The following CREBBP variants were observed in gnomAD, a reference collection of about 807,000 sequenced individuals.
CREBBP encodes CREB-binding protein.
CREBBP carries 19 observed loss-of-function variants against 265.0 expected under a neutral mutation model. The ratio of observed to expected loss-of-function variants is 0.07; its 90% CI spans 0.05 to 0.11. CREBBP has a LOEUF of 0.11. Ranked by LOEUF, CREBBP falls within the 10% of genes least tolerant of loss-of-function variation. The pLI, the probability that CREBBP is intolerant of heterozygous loss-of-function variation, is 1.00. For missense variants in CREBBP, 2,525 were observed against 3,219.0 expected, an observed-to-expected ratio of 0.78 and a Z score of 5.22; for synonymous variants, 1,457 against 1,223.7, an observed-to-expected ratio of 1.19 and a Z score of -3.98.
Position 3,728,448 on chromosome 16 carries a change from T to A in CREBBP, c.6599A>T (p.Gln2200Leu), listed in dbSNP as rs538605698. 6 of 1,613,200 alleles carry A rather than the reference T, an allele frequency of 3.7e-6. No homozygotes were observed. Among genetic ancestry groups the A allele is most frequent in the Non-Finnish European group, 5.1e-6 (6 of 1,179,564 alleles). The change falls in exon 31 of 31, where the codon CAG (glutamine) becomes CTG (leucine). Residue 2200 changes from glutamine to leucine, a missense_variant. By Grantham distance (113) the Gln-to-Leu change is moderately radical. Transcript: ENST00000262367. The surrounding 1 kb of genome is among the most constrained non-coding windows in gnomAD (Gnocchi z 8.7). ...TTGTTGCTGCTGCTGTTGCTGCTGC[T>A]GCTGCAGCAGCTGCCTCCGTAACAT... ...REMLRRQLLQQQQQQQQQQQQ... is the reference protein window; with the variant it reads ...REMLRRQLLQLQQQQQQQQQQ...
At chr16:3,804,994 G>A (rs897679100) in intron 3 of CREBBP, among the ~76,000 whole-genome samples, 5 of 152,194 alleles carry the variant, frequency 3.3e-5, no homozygotes, top group Admixed American at 6.5e-5. Flanking sequence ...CAAAGGACTC[G>A]CTACTTTCTC....
rs781270134 is a variant in CREBBP, at chr16:3,850,333, C to T, written c.762G>A (p.Ala254=). 15 of 1,614,212 alleles carry T rather than the reference C, an allele frequency of 9.3e-6. No individual in the cohort carries two copies. Among genetic ancestry groups the T allele is most frequent in the Middle Eastern group, 1.6e-4 (1 of 6,062 alleles). ...CTCCTGCCTGTGCGGTGTTCAGTCC[C>T]GCGTGACCAGTCATTTGCGGGGAAA... ...TQVSPQMTGH[A]GLNTAQAGGM... Residue 254 remains alanine, a synonymous_variant, in exon 2 of 31, where the codon GCG becomes GCA. Coordinates refer to ENST00000262367, the MANE Select transcript of CREBBP (RefSeq NM_004380.3).
chr16:3,748,098 A>AAAAT (rs1204875337), intron 21 of CREBBP, among the ~76,000 whole-genome samples: 1 of 139,782 alleles, frequency 7.2e-6, no homozygotes, highest in African/African-American at 3.1e-5. Context: ...CTCAAAAATA[A>AAAAT]AAATAAATAC....
chr16:3,828,935 C>CT (rs1391768063), intron 2 of CREBBP, among the ~76,000 whole-genome samples: 1 of 152,068 alleles, frequency 6.6e-6, no homozygotes, highest in East Asian at 1.9e-4. Flanking sequence ...TAGGCATGTC[C>CT]TTTTCTGCTC....
At chr16:3,798,703 G>A (rs1010082506) in intron 3 of CREBBP, among the ~76,000 whole-genome samples, 2 of 152,220 alleles carry the variant, frequency 1.3e-5, no homozygotes, top group Non-Finnish European at 2.9e-5. Flanking sequence ...CCAGGACGTG[G>A]AGAACCTGGA....
chr16:3,831,948 G>C (rs1434276980), intron 2 of CREBBP, among the ~76,000 whole-genome samples: 2 of 151,988 alleles, frequency 1.3e-5, no homozygotes, highest in African/African-American at 4.8e-5. Context: ...AGTGAACTGA[G>C]ATGATGCCAC....
intron 30 of CREBBP, among the ~76,000 whole-genome samples, chr16:3,730,128 T>C (rs1194680782): frequency 6.6e-6 from 1 of 152,140 alleles, no homozygotes; most frequent in East Asian, 1.9e-4. Flanking sequence ...ATGGACTGCC[T>C]ATGTGTTGCT....
intron 2 of CREBBP, chr16:3,813,020 A>C (rs2053967475): frequency 4.5e-6 from 1 of 224,640 alleles, no homozygotes; most frequent in African/African-American, 2.2e-5. Flanking sequence ...CTGTAAGATG[A>C]GTGTCTTGAA....
At position 3,738,578 on chromosome 16, in the gene CREBBP, C is replaced by G; in HGVS notation, c.4375G>C (p.Glu1459Gln). The G allele has an allele frequency of 6.2e-7, 1 of 1,610,738 alleles. No individual in the cohort carries two copies. Among genetic ancestry groups the G allele is most frequent in the Non-Finnish European group, 8.5e-7 (1 of 1,176,920 alleles). The stretch of plus-strand genomic sequence containing the variant: ...ACTCACCCTAATTTCTTCACATACT[C>G]TAAATATCCAATAAGGATCTCATGG... ...VYHEILIGYL[E>Q]YVKKLGYVTG... is the part of the protein sequence containing the mutation. Residue 1459 changes from glutamate (E) to glutamine (Q), a missense_variant, in exon 26 of 31, where the codon GAG becomes CAG. Around this residue, in one of 19 missense-constraint regions of CREBBP, gnomAD observed 252 missense variants for 452.5 expected, o/e 0.56. Coordinates refer to ENST00000262367, the MANE Select transcript of CREBBP (RefSeq NM_004380.3).
intron 2 of CREBBP, among the ~76,000 whole-genome samples, chr16:3,836,746 G>A (rs2054459883): frequency 6.6e-6 from 1 of 152,118 alleles, no homozygotes; most frequent in Non-Finnish European, 1.5e-5. Flanking sequence ...CGAAGATAAT[G>A]GTTTTTCGTA....
intron 2 of CREBBP, among the ~76,000 whole-genome samples, chr16:3,835,801 C>T (rs527882677): frequency 4.6e-5 from 7 of 151,734 alleles, no homozygotes; most frequent in African/African-American, 1.4e-4. Context: ...AGGATGGTCT[C>T]GATCTCCTGA....
At chr16:3,828,124 G>A (rs1014624580) in intron 2 of CREBBP, among the ~76,000 whole-genome samples, 1 of 151,596 alleles carries the variant, frequency 6.6e-6, no homozygotes, top group African/African-American at 2.4e-5. Context: ...AGAGTCTCTC[G>A]CTCTGTCACC....
chr16:3,822,287 G>A (rs996012750), intron 2 of CREBBP, among the ~76,000 whole-genome samples: 2 of 152,136 alleles, frequency 1.3e-5, no homozygotes, highest in African/African-American at 4.8e-5. Context: ...TAAAGGAGGC[G>A]GCAATAAAGG....
chr16:3,797,515 G>A (rs1596957238), intron 3 of CREBBP, among the ~76,000 whole-genome samples: 3 of 151,984 alleles, frequency 2.0e-5, no homozygotes, highest in Admixed American at 2.0e-4. Context: ...TATAAATTAG[G>A]TATAGTAAGA....
intron 1 of CREBBP, among the ~76,000 whole-genome samples, chr16:3,855,361 G>A (rs528624927): frequency 2.6e-5 from 4 of 152,254 alleles, no homozygotes; most frequent in South Asian, 4.1e-4. Flanking sequence ...TTTGCCTCCC[G>A]GGTTCAAGCA....
rs1232627986 is a variant in CREBBP at position 3,780,955 on chromosome 16, C to T, written c.1677-77G>A. On this transcript the variant is annotated intron_variant, in intron 7 of 30. Coordinates refer to ENST00000262367, the MANE Select transcript of CREBBP (RefSeq NM_004380.3). Reference sequence around the variant, plus strand: ...ACTTTGTCTAGTAAGGTTCTTCTGCCACCACATGTGACTTTTAAAAGTTTA... The same window carrying T: ...ACTTTGTCTAGTAAGGTTCTTCTGCTACCACATGTGACTTTTAAAAGTTTA... 2.6e-6 allele frequency: 4 copies of T among 1,539,732 alleles called. No homozygotes were observed. In the East Asian group the frequency reaches 9.1e-5, roughly 35 times the overall value.
In CREBBP at chr16:3,767,820, T is replaced by G; in HGVS notation, c.3150A>C (p.Glu1050Asp). The change falls in exon 16 of 31, where the codon GAA (glutamate) becomes GAC (aspartate). Residue 1050 changes from glutamate to aspartate, a missense_variant. Glu to Asp is a conservative substitution (Grantham distance 45). This residue lies in a region of CREBBP where 548 missense variants were observed against 533.0 expected (regional missense o/e 1.03). Transcript: ENST00000262367. ...CTTCTACTTTCACTTCAGGTTTCTT[T>G]TCATCCACTTCCATTGGTTCTGATT... The part of the protein sequence containing the change: ...EQKSEPMEVD[E>D]KKPEVKVEVK... 1.9e-6 allele frequency: 3 copies of G among 1,614,234 alleles called. No homozygotes were observed. The highest frequency in any genetic ancestry group is 2.5e-6 in the Non-Finnish European group (3 of 1,180,032).
In CREBBP at chr16:3,793,407, G is replaced by T; in HGVS notation, c.1195C>A (p.Gln399Lys). 2 of 1,614,044 alleles carry T rather than the reference G, an allele frequency of 1.2e-6. No homozygotes were observed. The highest frequency in any genetic ancestry group is 2.2e-5 in the South Asian group (2 of 91,008). The change falls in exon 4 of 31, where the codon CAG (glutamine) becomes AAG (lysine). Residue 399 changes from glutamine to lysine, a missense_variant. By Grantham distance (53) the Gln-to-Lys change is moderately conservative (BLOSUM62 1). Coordinates refer to ENST00000262367, the MANE Select transcript of CREBBP (RefSeq NM_004380.3). ...KNVLNHMTHC[Q>K]AGKACQVAHC... ...TTACCTTGGCAGGCTTTCCCAGCCT[G>T]ACAATGCGTCATGTGATTCAAAACG...
chr16:3,837,445 G>A (rs936784845), intron 2 of CREBBP, among the ~76,000 whole-genome samples: 6 of 151,956 alleles, frequency 3.9e-5, no homozygotes, highest in African/African-American at 4.8e-5. Flanking sequence ...GTAAAACCTC[G>A]TCTCTACTGA....
Sources: gnomAD v4.1 joint callset for allele counts (sites outside exome capture counted in the v4.1 genomes callset) on GRCh38, gnomAD v4.1.1 for gene constraint, gnomAD v4.1.1 regional missense constraint, Gnocchi (gnomAD v3.1) non-coding constraint, MANE v1.5 for transcripts, NCBI Gene and HGNC (gene_info 2026-07-23, HGNC 2026-07-21) for gene names.